Variants in TMEM131L observed in about 807,000 individuals in gnomAD.
TMEM131L encodes the protein transmembrane 131 like, also known as transmembrane protein 131-like.
A neutral mutation model predicts 192.2 loss-of-function variants in TMEM131L; 54 were observed. The ratio of observed to expected loss-of-function variants is 0.28; its 90% CI spans 0.23 to 0.35. The LOEUF (loss-of-function observed/expected upper bound fraction) is 0.35, where lower values mean the gene tolerates loss of function less well. Among genes scored for constraint, TMEM131L ranks in the 10% least tolerant of loss-of-function variants. The pLI, the probability that TMEM131L is intolerant of heterozygous loss-of-function variation, is 1.00. For missense variants in TMEM131L, 1,888 were observed against 1,972.9 expected (o/e 0.96, Z 0.82); for synonymous variants, 701 against 704.9 (o/e 0.99, Z 0.09).
intron 23 of TMEM131L, 43 bp from the exon 24 acceptor site, chr4:153,603,260 G>T: frequency 6.3e-7 from 1 of 1,576,656 alleles, no homozygotes; most frequent in East Asian, 2.3e-5. Context: ...TTGAATGCCA[G>T]TCAGAACCAT....
Position 153,598,728 on chromosome 4 carries a change from T to C in TMEM131L, c.2262T>C (p.Arg754=). The change falls in exon 21 of 35, where the codon CGT becomes CGC. Residue 754 remains arginine, a synonymous_variant. Coordinates refer to ENST00000409959, the MANE Select transcript of TMEM131L (RefSeq NM_001131007.2). ...KVPESTLMDC[R]RQLKDSKQIL... ...CCGAGTCCACGCTGATGGACTGCCG[T>C]AGACGTGAGTTCATATGTGTGGCAC... The C allele has an allele frequency of 6.2e-7, 1 of 1,612,784 alleles. No individual in the cohort carries two copies. Among genetic ancestry groups the C allele is most frequent in the South Asian group, 1.1e-5 (1 of 90,946 alleles).
chr4:153,621,910 A>G, intron 28 of TMEM131L, 61 bp downstream of exon 28: 2 of 1,499,790 alleles, frequency 1.3e-6, no homozygotes, highest in Middle Eastern at 1.7e-4. Context: ...TCCTCAATGA[A>G]GTATCTAATA....
At chr4:153,592,679 T>TCCACATCCACACACAG in intron 18 of TMEM131L, 95 bp downstream of exon 18, 2 of 844,658 alleles carry the variant, frequency 2.4e-6, no homozygotes, top group Non-Finnish European at 4.0e-6. Context: ...AGGACCTGTG[T>TCCACATCCACACACAG]GTGGATGTGG....
At chr4:153,478,174 A>G (rs1265080058) in intron 3 of TMEM131L, among the ~76,000 whole-genome samples, 1 of 152,160 alleles carries the variant, frequency 6.6e-6, no homozygotes, top group Non-Finnish European at 1.5e-5. Flanking sequence ...CCTCATGTGT[A>G]AAGAAATGAT....
intron 25 of TMEM131L, among the ~76,000 whole-genome samples, chr4:153,608,601 A>C (rs1732402319): frequency 6.6e-6 from 1 of 152,238 alleles, no homozygotes; most frequent in African/African-American, 2.4e-5. Context: ...TCAAGCCTTG[A>C]GCTTAACAGT....
chr4:153,636,253 C>CTTTTTTTTTTTTTTTT, intron 34 of TMEM131L, 48 bp from the exon 35 acceptor site: 1 of 1,489,670 alleles, frequency 6.7e-7, no homozygotes, highest in Admixed American at 2.0e-5. Flanking sequence ...CTTTCTAAGG[C>CTTTTTTTTTTTTTTTT]TTTTTTTTTT....
At chr4:153,563,454 C>A (rs1728974524) in intron 7 of TMEM131L, among the ~76,000 whole-genome samples, 1 of 138,074 alleles carries the variant, frequency 7.2e-6, no homozygotes, top group Admixed American at 7.2e-5. Context: ...CGGATATGTA[C>A]CCTTTTTTTT....
Position 153,602,746 on chromosome 4 carries a change from C to T in TMEM131L, c.2639+19C>T. ...TTGTCAGGTAAACCACTACTGTCTCCCTTGTTCTCTCACTGAGTAGAGAAG... is the reference window on the plus strand; with the variant it reads ...TTGTCAGGTAAACCACTACTGTCTCTCTTGTTCTCTCACTGAGTAGAGAAG... On this transcript the variant is annotated intron_variant, in intron 23 of 34. Transcript: ENST00000409959. 1.9e-6 allele frequency: 3 copies of T among 1,611,062 alleles called. No individual in the cohort carries two copies. Among genetic ancestry groups the T allele is most frequent in the South Asian group, 1.1e-5 (1 of 90,800 alleles).
At chr4:153,592,303 CT>C (rs1297437867) in intron 17 of TMEM131L, among the ~76,000 whole-genome samples, 171 bp from the exon 18 acceptor site, 2 of 151,828 alleles carry the variant, frequency 1.3e-5, no homozygotes. Context: ...TGTTCTTTGC[CT>C]TTTATGACAT....
At chr4:153,553,363 T>C (rs1056938548) in intron 4 of TMEM131L, among the ~76,000 whole-genome samples, 1 of 152,060 alleles carries the variant, frequency 6.6e-6, no homozygotes, top group Non-Finnish European at 1.5e-5. Flanking sequence ...AGTGGTAGAA[T>C]AAATCTTCTG....
At chr4:153,618,494 A>C (rs903708127) in intron 26 of TMEM131L, among the ~76,000 whole-genome samples, 3 of 146,458 alleles carry the variant, frequency 2.0e-5, no homozygotes, top group African/African-American at 7.9e-5. Flanking sequence ...AAAAAAAAAA[A>C]CCCACCAAAA....
At chr4:153,576,326 T>C (rs1394955304) in intron 7 of TMEM131L, among the ~76,000 whole-genome samples, 1 of 152,194 alleles carries the variant, frequency 6.6e-6, no homozygotes, top group African/African-American at 2.4e-5. Context: ...ATTAGCATAC[T>C]TCTGAAGGGC....
At position 153,634,389 on chromosome 4, in the gene TMEM131L, A is replaced by G. The variant is rs1402433794; in HGVS notation, c.4417+109A>G. 44 of 874,798 alleles carry G rather than the reference A, an allele frequency of 5.0e-5. No individual in the cohort carries two copies. The Admixed American group carries it at 7.5e-4, about 15-fold the overall frequency. 54.2% of individuals were successfully genotyped at this position (874,798 alleles called of 1,614,324 possible). ...TTTTAACAGCGAGCAGACTTTGAGA[A>G]TGAGCTTGCAGTAGACTGCCGAATG... On this transcript the variant is annotated intron_variant, in intron 33 of 34. Transcript: ENST00000409959.
At chr4:153,503,909 G>A (rs1030345436) in intron 3 of TMEM131L, among the ~76,000 whole-genome samples, 22 of 152,268 alleles carry the variant, frequency 1.4e-4, no homozygotes, top group African/African-American at 4.8e-4. Context: ...ATTTTTCAAC[G>A]TATATTGAAG....
intron 14 of TMEM131L, 29 bp downstream of exon 14, chr4:153,586,408 A>G: frequency 6.6e-7 from 1 of 1,508,106 alleles, no homozygotes; most frequent in South Asian, 1.3e-5. Context: ...TATGTGTGTT[A>G]CAGTTTTCTT....
At chr4:153,583,375 C>T in intron 10 of TMEM131L, 127 bp downstream of exon 10, 1 of 763,016 alleles carries the variant, frequency 1.3e-6, no homozygotes, top group Non-Finnish European at 2.3e-6. Flanking sequence ...TTAATTTAAG[C>T]CCATTTGCCC....
intron 3 of TMEM131L, among the ~76,000 whole-genome samples, chr4:153,536,603 T>C (rs985260876): frequency 6.6e-6 from 1 of 152,172 alleles, no homozygotes; most frequent in African/African-American, 2.4e-5. Context: ...ACATTTCATT[T>C]AATCCTCACA....
chr4:153,481,282 T>C (rs1731920701), intron 3 of TMEM131L, among the ~76,000 whole-genome samples: 1 of 152,186 alleles, frequency 6.6e-6, no homozygotes, highest in African/African-American at 2.4e-5. Context: ...TACCCAAGTT[T>C]CTGAGTCTCA....
At chr4:153,605,788 C>T (rs1732191075) in intron 25 of TMEM131L, among the ~76,000 whole-genome samples, 1 of 152,200 alleles carries the variant, frequency 6.6e-6, no homozygotes, top group Non-Finnish European at 1.5e-5. Context: ...TATGGATTGA[C>T]TACTTCTGAT....
Sources: allele counts gnomAD v4.1 joint callset (sites outside exome capture counted in the v4.1 genomes callset), GRCh38; gene constraint gnomAD v4.1.1; transcripts MANE v1.5; gene names NCBI Gene and HGNC (gene_info 2026-07-23, HGNC 2026-07-21).